FHIT: variants seen among roughly 807,000 people sequenced by gnomAD.
FHIT encodes bis(5'-adenosyl)-triphosphatase.
Under a neutral mutation model 17.9 loss-of-function variants are expected in FHIT, and 19 were observed. The observed-to-expected ratio is 1.06, with a 90% confidence interval of 0.74 to 1.56. The LOEUF (loss-of-function observed/expected upper bound fraction) is 1.56, where lower values mean the gene tolerates loss of function less well. Ranked by LOEUF, FHIT falls within the 40% of genes most tolerant of loss-of-function variation. The pLI is 0.00. For missense variants in FHIT, 248 were observed against 189.2 expected, an observed-to-expected ratio of 1.31 and a Z score of -1.82; for synonymous variants, 81 against 69.7, an observed-to-expected ratio of 1.16 and a Z score of -0.81.
chr3:60,248,798 G>A lies in FHIT; in HGVS notation c.104-234646C>T, dbSNP rs760381825. Reference sequence around the variant, plus strand: ...AAAAAACAGCAGGTGCTAGAAGGGCGCTGTGACTCACCCCTTTTTCTTCCC... The same window carrying A: ...AAAAAACAGCAGGTGCTAGAAGGGCACTGTGACTCACCCCTTTTTCTTCCC... On this transcript the variant is annotated intron_variant, in intron 5 of 9. Coordinates refer to ENST00000492590, the MANE Select transcript of FHIT (RefSeq NM_002012.4). 3.4e-4 allele frequency among the ~76,000 whole-genome samples: 52 copies of A among 152,050 alleles called. 1 individual carries two copies. Among genetic ancestry groups the A allele is most frequent in the Non-Finnish European group, 2.4e-4 (16 of 68,018 alleles).
chr3:60,755,968 A>G (rs961561223), intron 4 of FHIT, among the ~76,000 whole-genome samples: 2 of 152,224 alleles, frequency 1.3e-5, no homozygotes, highest in Non-Finnish European at 2.9e-5. Context: ...CCACCCTTAC[A>G]TTTCCAAAGT....
At chr3:60,304,487 C>T (rs1708587035) in intron 5 of FHIT, among the ~76,000 whole-genome samples, 1 of 151,766 alleles carries the variant, frequency 6.6e-6, no homozygotes, top group Admixed American at 6.6e-5. Flanking sequence ...CTCCCAACAA[C>T]CTTAGAGGTC....
At chr3:60,341,075 T>G (rs574032985) in intron 5 of FHIT, among the ~76,000 whole-genome samples, 13 of 152,200 alleles carry the variant, frequency 8.5e-5, no homozygotes, top group African/African-American at 3.1e-4. Context: ...GGCTGACTTT[T>G]GGTATCTGCA....
intron 5 of FHIT, among the ~76,000 whole-genome samples, chr3:60,195,256 A>G (rs1702575292): frequency 6.6e-6 from 1 of 152,166 alleles, no homozygotes; most frequent in African/African-American, 2.4e-5. Flanking sequence ...GTCCAGAAAC[A>G]ATAGATGTTG....
At chr3:60,580,371 A>C (rs1341696531) in intron 4 of FHIT, among the ~76,000 whole-genome samples, 2 of 152,134 alleles carry the variant, frequency 1.3e-5, no homozygotes, top group Non-Finnish European at 2.9e-5. Flanking sequence ...ATTAATGAAT[A>C]ATCTCTTTTT....
intron 5 of FHIT, among the ~76,000 whole-genome samples, chr3:60,345,767 T>C (rs761097580): frequency 3.3e-5 from 5 of 152,228 alleles, no homozygotes; most frequent in Non-Finnish European, 2.9e-5. Context: ...AGACCTACCA[T>C]TATTTTATGC....
chr3:60,676,592 G>C (rs2040625909), intron 4 of FHIT, among the ~76,000 whole-genome samples: 1 of 152,174 alleles, frequency 6.6e-6, no homozygotes. Flanking sequence ...GTGTCACCTA[G>C]AGAACACAAC....
intron 3 of FHIT, among the ~76,000 whole-genome samples, chr3:61,028,344 C>T (rs1162881323): frequency 2.0e-5 from 3 of 152,110 alleles, no homozygotes; most frequent in Non-Finnish European, 4.4e-5. Flanking sequence ...GGAGGACAAA[C>T]ACATAAACCT....
chr3:60,456,303 T>G (rs1576685452), intron 5 of FHIT, among the ~76,000 whole-genome samples: 2 of 152,336 alleles, frequency 1.3e-5, no homozygotes, highest in East Asian at 1.9e-4. Context: ...CGACAAATCT[T>G]CACTGATGCT....
chr3:61,215,219 T>G (rs922756692), intron 1 of FHIT, among the ~76,000 whole-genome samples: 3 of 152,014 alleles, frequency 2.0e-5, no homozygotes, highest in Admixed American at 6.6e-5. Flanking sequence ...AGTGGACAAA[T>G]TGTCCCTGTT....
At chr3:60,131,187 G>A (rs1289527281) in intron 5 of FHIT, among the ~76,000 whole-genome samples, 2 of 150,080 alleles carry the variant, frequency 1.3e-5, no homozygotes, top group East Asian at 4.0e-4. Context: ...TGATATGAAT[G>A]GTATAGTATT....
In FHIT at chr3:59,776,968, C is replaced by T. The variant is rs548759944; in HGVS notation, c.349-24647G>A. Among the ~76,000 whole-genome samples, 6 of 152,230 alleles carry T rather than the reference C, an allele frequency of 3.9e-5. 1 individual carries two copies. In the South Asian group the frequency reaches 6.2e-4, roughly 16 times the overall value. On this transcript the variant is annotated intron_variant, in intron 8 of 9. Transcript: ENST00000492590. ...ATGTTCATTCCATGCCCTCCCACCA[C>T]ACATGGAATAAAATCTAAACTCCTC... is the stretch of plus-strand genomic sequence containing the variant.
intron 5 of FHIT, among the ~76,000 whole-genome samples, chr3:60,511,422 G>C (rs2034947007): frequency 6.6e-6 from 1 of 151,800 alleles, no homozygotes; most frequent in African/African-American, 2.4e-5. Context: ...AAAAATCTAA[G>C]GTATCTCTAA....
intron 3 of FHIT, among the ~76,000 whole-genome samples, chr3:60,835,850 A>C (rs1702519784): frequency 6.6e-6 from 1 of 152,166 alleles, no homozygotes; most frequent in Non-Finnish European, 1.5e-5. Context: ...ACTAGGCTCC[A>C]GCAATCCACC....
At position 60,292,750 on chromosome 3, in the gene FHIT, AG is replaced by A. The variant is rs199911361; in HGVS notation, c.103+244109del. 7.2e-3 allele frequency among the ~76,000 whole-genome samples: 1,098 copies of A among 152,334 alleles called. 16 individuals carry two copies. The highest frequency in any genetic ancestry group is 0.024 in the African/African-American group (1,003 of 41,578). On this transcript the variant is annotated intron_variant, in intron 5 of 9. Coordinates refer to ENST00000492590, the MANE Select transcript of FHIT (RefSeq NM_002012.4). ...TCAGTGGACATATCAGAAAACATCA[AG>A]AAAAGCTTTCTATGAAGAAAAAAAG... is the stretch of plus-strand genomic sequence containing the variant.
At chr3:61,089,779 G>A (rs79571804) in intron 2 of FHIT, among the ~76,000 whole-genome samples, 6 of 152,180 alleles carry the variant, frequency 3.9e-5, no homozygotes, top group Non-Finnish European at 8.8e-5. Context: ...TAACCAAAGA[G>A]TAGAAACTAT....
At chr3:60,968,183 A>G (rs1709840990) in intron 3 of FHIT, among the ~76,000 whole-genome samples, 2 of 152,212 alleles carry the variant, frequency 1.3e-5, no homozygotes, top group African/African-American at 4.8e-5. Flanking sequence ...GGTCACTTCA[A>G]ACTAAGAAGC....
chr3:60,641,288 G>A (rs951887641), intron 4 of FHIT, among the ~76,000 whole-genome samples: 37 of 152,260 alleles, frequency 2.4e-4, no homozygotes, highest in African/African-American at 8.9e-4. Flanking sequence ...CTTGAGTTTT[G>A]CATATATGTA....
intron 5 of FHIT, among the ~76,000 whole-genome samples, chr3:60,331,060 G>A (rs946317867): frequency 3.3e-5 from 5 of 152,236 alleles, no homozygotes; most frequent in South Asian, 2.1e-4. Context: ...ATATCTTAGC[G>A]TGGAGTTGAA....
Sources: allele counts gnomAD v4.1 joint callset (sites outside exome capture counted in the v4.1 genomes callset), GRCh38; gene constraint gnomAD v4.1.1; transcripts MANE v1.5; gene names NCBI Gene and HGNC (gene_info 2026-07-23, HGNC 2026-07-21).